The following MED27 variants were observed in gnomAD, a reference collection of about 807,000 sequenced individuals.
The protein encoded by MED27 is mediator complex subunit 27.
MED27 carries 30 observed loss-of-function variants against 38.2 expected under a neutral mutation model. The observed-to-expected ratio is 0.79, with a 90% CI of 0.59 to 1.07. The LOEUF (loss-of-function observed/expected upper bound fraction) is 1.07, where lower values mean the gene tolerates loss of function less well. Among genes scored for constraint, MED27 ranks in the 50% least tolerant of loss-of-function variants. The pLI, the probability that MED27 is intolerant of heterozygous loss-of-function variation, is 0.00. For missense variants in MED27, 289 were observed against 397.5 expected, an observed-to-expected ratio of 0.73 and a Z score of 2.32; for synonymous variants, 122 against 153.5, an observed-to-expected ratio of 0.79 and a Z score of 1.52.
chr9:131,948,295 G>A (rs1003888486), intron 3 of MED27, among the ~76,000 whole-genome samples: 9 of 151,914 alleles, frequency 5.9e-5, no homozygotes, highest in Admixed American at 2.0e-4. Flanking sequence ...GACCAACATG[G>A]CCAATATGGT....
At chr9:131,892,229 G>A (rs1056783559) in intron 5 of MED27, among the ~76,000 whole-genome samples, 7 of 152,054 alleles carry the variant, frequency 4.6e-5, no homozygotes, top group African/African-American at 1.2e-4. Context: ...GAGGAGGGGC[G>A]ATCAGAGGTG....
chr9:132,005,517 GA>G (rs1832339453), intron 3 of MED27, among the ~76,000 whole-genome samples: 1 of 152,134 alleles, frequency 6.6e-6, no homozygotes, highest in Non-Finnish European at 1.5e-5. Flanking sequence ...GACCGTTCAT[GA>G]GCCACAATTA....
chr9:131,926,871 T>G (rs1045771224), intron 4 of MED27, among the ~76,000 whole-genome samples: 1 of 152,218 alleles, frequency 6.6e-6, no homozygotes, highest in African/African-American at 2.4e-5. Flanking sequence ...AACATCTAAA[T>G]AAACATGATA....
intron 6 of MED27, among the ~76,000 whole-genome samples, chr9:131,878,274 A>AAAATAAAT (rs139530478): frequency 0.011 from 1,595 of 147,898 alleles, 27 homozygotes; most frequent in African/African-American, 0.035. Flanking sequence ...CTCCATTACA[A>AAAATAAAT]AAATAAATAA....
At chr9:131,963,833 T>G (rs908470373) in intron 3 of MED27, among the ~76,000 whole-genome samples, 5 of 152,314 alleles carry the variant, frequency 3.3e-5, no homozygotes, top group Admixed American at 1.3e-4. Flanking sequence ...TCCAAATTCG[T>G]TACCCTGACA....
chr9:131,893,848 G>C (rs1402247647), intron 5 of MED27, 37 bp downstream of exon 5: 3 of 1,497,300 alleles, frequency 2.0e-6, no homozygotes, highest in African/African-American at 2.8e-5. Flanking sequence ...CTGGGATACA[G>C]AAAACCAAGG....
At chr9:131,947,873 G>A (rs1407276070) in intron 3 of MED27, among the ~76,000 whole-genome samples, 1 of 152,144 alleles carries the variant, frequency 6.6e-6, no homozygotes, top group Non-Finnish European at 1.5e-5. Flanking sequence ...CACCTTTTGG[G>A]GAAAAGGGTA....
intron 2 of MED27, among the ~76,000 whole-genome samples, chr9:132,057,685 T>G (rs1469102974): frequency 6.6e-6 from 1 of 152,244 alleles, no homozygotes; most frequent in Non-Finnish European, 1.5e-5. Flanking sequence ...AAATTCTGCC[T>G]GTACCTTGGA....
chr9:131,997,285 C>G lies in MED27; in HGVS notation c.479+17052G>C, dbSNP rs540694041. ...ACAAGGAGATGCAATGGCAGATCCT[C>G]TTCCAGGAAGAACCTGCTGTCTGGC... On this transcript the variant is annotated intron_variant, in intron 3 of 7. Coordinates refer to ENST00000292035, the MANE Select transcript of MED27 (RefSeq NM_004269.4). The surrounding 1 kb of genome is among the most constrained non-coding windows in gnomAD (Gnocchi z 4.0). Among the ~76,000 whole-genome samples the G allele has an allele frequency of 6.5e-4, 99 of 152,286 alleles. No individual in the cohort carries two copies. Among genetic ancestry groups the G allele is most frequent in the Non-Finnish European group, 1.0e-3 (71 of 68,024 alleles).
chr9:132,041,610 G>T (rs905366285), intron 2 of MED27, among the ~76,000 whole-genome samples: 2 of 152,246 alleles, frequency 1.3e-5, no homozygotes, highest in Non-Finnish European at 2.9e-5. Context: ...GCCCATGTGT[G>T]TTGTGACAAA....
intron 6 of MED27, among the ~76,000 whole-genome samples, chr9:131,868,086 G>T (rs1838765946): frequency 6.6e-6 from 1 of 152,206 alleles, no homozygotes; most frequent in Non-Finnish European, 1.5e-5. Flanking sequence ...GGGGTGCCAG[G>T]GTGGAGGGTT....
At chr9:131,972,952 G>T (rs930292639) in intron 3 of MED27, among the ~76,000 whole-genome samples, 1 of 152,170 alleles carries the variant, frequency 6.6e-6, no homozygotes, top group Admixed American at 6.5e-5. Context: ...CCAAAACTGA[G>T]TATGTACCTC....
At chr9:132,017,780 T>A (rs180962728) in intron 2 of MED27, among the ~76,000 whole-genome samples, 1 of 152,234 alleles carries the variant, frequency 6.6e-6, no homozygotes, top group African/African-American at 2.4e-5. Flanking sequence ...ACCTAGGATT[T>A]TTCTATCAGT....
At chr9:131,905,716 A>C (rs1460267224) in intron 4 of MED27, among the ~76,000 whole-genome samples, 1 of 109,452 alleles carries the variant, frequency 9.1e-6, no homozygotes, top group Non-Finnish European at 1.9e-5. Context: ...AAAAAAAAAA[A>C]AAAAAAAAAA....
intron 3 of MED27, among the ~76,000 whole-genome samples, chr9:131,946,649 G>A (rs1045980732): frequency 1.3e-5 from 2 of 152,082 alleles, no homozygotes; most frequent in African/African-American, 4.8e-5. Context: ...TCAAGTCCTA[G>A]GAGGGCCAAG....
intron 4 of MED27, among the ~76,000 whole-genome samples, chr9:131,905,781 T>C (rs574063326): frequency 1.1e-4 from 17 of 148,444 alleles, no homozygotes; most frequent in African/African-American, 4.0e-4. Flanking sequence ...CCTTCCAGAA[T>C]TTGGACTGCA....
intron 3 of MED27, among the ~76,000 whole-genome samples, chr9:131,967,842 G>A (rs1431450621): frequency 7.2e-6 from 1 of 139,252 alleles, no homozygotes; most frequent in East Asian, 2.1e-4. Flanking sequence ...TTTTTGAGAC[G>A]GAGTCTCGCT....
At chr9:131,868,066 T>C (rs1226745284) in intron 6 of MED27, among the ~76,000 whole-genome samples, 2 of 152,204 alleles carry the variant, frequency 1.3e-5, no homozygotes, top group African/African-American at 2.4e-5. Context: ...AGTTTCACAG[T>C]GGGCACTGTG....
chr9:131,882,774 C>T (rs1201975464), intron 6 of MED27, among the ~76,000 whole-genome samples: 14 of 152,200 alleles, frequency 9.2e-5, no homozygotes, highest in Admixed American at 9.2e-4. Context: ...CAGAAGGAGG[C>T]CCCCTTGTGT....
Sources: allele counts gnomAD v4.1 joint callset (sites outside exome capture counted in the v4.1 genomes callset), GRCh38; gene constraint gnomAD v4.1.1; non-coding constraint Gnocchi (gnomAD v3.1); transcripts MANE v1.5; gene names NCBI Gene and HGNC (gene_info 2026-07-23, HGNC 2026-07-21).